Variants in ABAT observed in about 807,000 individuals in gnomAD.
The protein encoded by ABAT is 4-aminobutyrate aminotransferase.
In ABAT, 45 loss-of-function variants were observed where a neutral mutation model predicts 64.6. That is an observed-to-expected ratio of 0.70 (90% CI 0.55 to 0.89). The LOEUF is 0.89. Ranked by LOEUF, ABAT falls within the 40% of genes least tolerant of loss-of-function variation. The probability of loss-of-function intolerance (pLI) is 0.00; values close to 1 mark genes in which losing one functional copy is unlikely to be tolerated. For missense variants in ABAT, 633 were observed against 658.4 expected, an observed-to-expected ratio of 0.96 and a Z score of 0.42; for synonymous variants, 297 against 250.5, an observed-to-expected ratio of 1.19 and a Z score of -1.75.
At chr16:8,726,684 T>C (rs1475656851) in intron 1 of ABAT, among the ~76,000 whole-genome samples, 2 of 152,204 alleles carry the variant, frequency 1.3e-5, no homozygotes, top group African/African-American at 4.8e-5. Context: ...ATATACTGAG[T>C]TCCTTCCTTT....
chr16:8,778,075 A>G lies in ABAT; in HGVS notation c.1270-1404A>G, dbSNP rs12598074. 1.1e-4 allele frequency among the ~76,000 whole-genome samples: 17 copies of G among 152,008 alleles called. No homozygotes were observed. The East Asian group carries it at 2.7e-3, about 24-fold the overall frequency. ...CCGTGAAATAAGACTTGCTCCCCCA[A>G]CTCAGCCCCCAGTACCCTGAAATTA... On this transcript the variant is annotated intron_variant, in intron 14 of 15. Coordinates refer to ENST00000268251, the MANE Select transcript of ABAT (RefSeq NM_020686.6).
Position 8,724,010 on chromosome 16 carries a change from T to G in ABAT, c.-41-11689T>G, listed in dbSNP as rs191223019. On this transcript the variant is annotated intron_variant, in intron 1 of 15. Coordinates refer to ENST00000268251, the MANE Select transcript of ABAT (RefSeq NM_020686.6). ...TGCACGCCACCATGCATGGCTAATT[T>G]TTATATTTTTAGTAGAGACAGGATT... Among the ~76,000 whole-genome samples, 104 of 151,472 alleles carry G rather than the reference T, an allele frequency of 6.9e-4. 1 individual carries two copies. Among genetic ancestry groups the G allele is most frequent in the African/African-American group, 2.4e-3 (100 of 41,248 alleles).
intron 1 of ABAT, among the ~76,000 whole-genome samples, chr16:8,730,946 TTATC>T (rs1439500878): frequency 2.0e-5 from 3 of 152,216 alleles, no homozygotes; most frequent in African/African-American, 7.2e-5. Context: ...AATTGTTTAT[TTATC>T]AAGAGAAACT....
At chr16:8,748,575 T>G (rs1654479937) in intron 4 of ABAT, among the ~76,000 whole-genome samples, 1 of 152,212 alleles carries the variant, frequency 6.6e-6, no homozygotes, top group African/African-American at 2.4e-5. Flanking sequence ...TGTTCAAGTC[T>G]TCTATTTCCT....
chr16:8,728,914 C>A (rs893980283), intron 1 of ABAT, among the ~76,000 whole-genome samples: 1 of 152,202 alleles, frequency 6.6e-6, no homozygotes, highest in South Asian at 2.1e-4. Flanking sequence ...CATGGCCACA[C>A]TTTCCAAGCC....
chr16:8,731,885 G>A (rs972275499), intron 1 of ABAT, among the ~76,000 whole-genome samples: 4 of 151,400 alleles, frequency 2.6e-5, no homozygotes, highest in African/African-American at 7.3e-5. Flanking sequence ...ACAGAGTCTC[G>A]CCCTGTCGCC....
chr16:8,700,214 C>T (rs950302391), intron 1 of ABAT, among the ~76,000 whole-genome samples: 2 of 152,130 alleles, frequency 1.3e-5, no homozygotes, highest in African/African-American at 4.8e-5. Flanking sequence ...TTTGCCCTCT[C>T]ACAGCTTGTG....
At chr16:8,779,366 C>A in intron 14 of ABAT, 113 bp from the exon 15 acceptor site, 10 of 863,694 alleles carry the variant, frequency 1.2e-5, no homozygotes, top group Non-Finnish European at 1.9e-5. Flanking sequence ...CCTGCCAGTC[C>A]ATGCAGAGGC....
At chr16:8,691,118 C>G (rs2057569981) in intron 1 of ABAT, among the ~76,000 whole-genome samples, 1 of 151,998 alleles carries the variant, frequency 6.6e-6, no homozygotes, top group Non-Finnish European at 1.5e-5. Context: ...CCACACTTGC[C>G]CATATTGGCA....
rs112317318 is a variant in ABAT, at chr16:8,688,182, C to T, written c.-42+13471C>T. On this transcript the variant is annotated intron_variant, in intron 1 of 15. Coordinates refer to ENST00000268251, the MANE Select transcript of ABAT (RefSeq NM_020686.6). ...CTGGGATTATAGGCATGAGCCACCG[C>T]ACCCGGCCAAAAGTTGAATGCTTCC... 1.7e-3 allele frequency among the ~76,000 whole-genome samples: 266 copies of T among 152,174 alleles called. 3 individuals are homozygous for T. The highest frequency in any genetic ancestry group is 6.2e-3 in the African/African-American group (258 of 41,530).
intron 3 of ABAT, among the ~76,000 whole-genome samples, chr16:8,746,841 G>A (rs114527861): frequency 0.02 from 2,997 of 152,272 alleles, 110 homozygotes; most frequent in African/African-American, 0.068. Context: ...CCAATTGCTC[G>A]TGCATTTAAG....
chr16:8,734,428 G>A (rs975260435), intron 1 of ABAT, among the ~76,000 whole-genome samples: 1 of 152,170 alleles, frequency 6.6e-6, no homozygotes, highest in Admixed American at 6.6e-5. Context: ...TTGTTGGAGT[G>A]TTTGGGCTAA....
chr16:8,758,295 G>C (rs2059700442), intron 6 of ABAT, among the ~76,000 whole-genome samples: 2 of 152,196 alleles, frequency 1.3e-5, no homozygotes, highest in Admixed American at 1.3e-4. Context: ...CACAGGAGCT[G>C]AGCTATTTGG....
At chr16:8,744,507 A>AC (rs1302787953) in intron 2 of ABAT, among the ~76,000 whole-genome samples, 3 of 151,264 alleles carry the variant, frequency 2.0e-5, no homozygotes, top group East Asian at 4.0e-4. Flanking sequence ...AGCTGGGATT[A>AC]CAGGTGCCTG....
chr16:8,743,667 A>G (rs2059245840), intron 2 of ABAT, among the ~76,000 whole-genome samples: 1 of 72,658 alleles, frequency 1.4e-5, no homozygotes, highest in East Asian at 3.6e-4. Flanking sequence ...TTTAGTTATA[A>G]TATGTTATAT....
Position 8,754,094 on chromosome 16 carries a change from CCA to C in ABAT, c.316+3559_316+3560del, listed in dbSNP as rs2059569642. Among the ~76,000 whole-genome samples, 3 of 148,726 alleles carry C rather than the reference CCA, an allele frequency of 2.0e-5. No individual in the cohort carries two copies. In the Admixed American group the frequency reaches 2.1e-4, roughly 10 times the overall value. On this transcript the variant is annotated intron_variant, in intron 5 of 15. Transcript: ENST00000268251. ...GACACAGTGGCTCACGCCTGTAATC[CCA>C]CACTTTGGGAAGCCAAGACAGGAAA...
At chr16:8,700,682 G>C (rs1232238508) in intron 1 of ABAT, among the ~76,000 whole-genome samples, 1 of 152,156 alleles carries the variant, frequency 6.6e-6, no homozygotes, top group African/African-American at 2.4e-5. Flanking sequence ...CTGCAGCCTT[G>C]AACTCCTGGG....
chr16:8,772,842 G>A lies in ABAT; in HGVS notation c.879G>A (p.Glu293=), dbSNP rs769181013. 1.7e-5 allele frequency: 27 copies of A among 1,614,082 alleles called. No homozygotes were observed. The highest frequency in any genetic ancestry group is 2.3e-5 in the Non-Finnish European group (27 of 1,180,002). Residue 293 remains glutamate (E), a synonymous_variant, in exon 12 of 16, where the codon GAG becomes GAA. Transcript: ENST00000268251. ...AGACGGTGGCCGGGATCATCGTGGA[G>A]CCCATCCAGTCCGAGGGTGGAGACA... ...KKKTVAGIIV[E]PIQSEGGDNH... is the part of the protein sequence containing the mutation.
intron 4 of ABAT, 81 bp downstream of exon 4, chr16:8,748,218 G>C: frequency 7.5e-7 from 1 of 1,328,912 alleles, no homozygotes; most frequent in Non-Finnish European, 1.1e-6. Context: ...ATCTGTTCTG[G>C]CTCTTTTTTA....
Sources: allele counts gnomAD v4.1 joint callset (sites outside exome capture counted in the v4.1 genomes callset), GRCh38; gene constraint gnomAD v4.1.1; transcripts MANE v1.5; gene names NCBI Gene and HGNC (gene_info 2026-07-23, HGNC 2026-07-21).